Variants in PTPRG observed in about 807,000 individuals in gnomAD.
PTPRG encodes receptor-type tyrosine-protein phosphatase gamma.
A neutral mutation model predicts 165.3 loss-of-function variants in PTPRG; 102 were observed. That is an observed-to-expected ratio of 0.62 (90% CI 0.53 to 0.73). The LOEUF is 0.73. PTPRG is among the 30% of genes least tolerant of loss of function. The pLI is 0.00. For missense variants in PTPRG, 1,866 were observed against 1,861.4 expected (o/e 1.00, Z -0.05); for synonymous variants, 675 against 669.5 (o/e 1.01, Z -0.13).
chr3:61,738,344 A>ATATATGTG (rs2032840897), intron 1 of PTPRG, among the ~76,000 whole-genome samples: 2 of 142,106 alleles, frequency 1.4e-5, no homozygotes, highest in African/African-American at 2.6e-5. Context: ...ATATGTATAT[A>ATATATGTG]TATATATAAA....
intron 1 of PTPRG, among the ~76,000 whole-genome samples, chr3:61,645,498 G>C (rs1156457782): frequency 6.6e-6 from 1 of 152,222 alleles, no homozygotes; most frequent in Non-Finnish European, 1.5e-5. Context: ...TTTACTGCTA[G>C]TTTTGCCAAC....
chr3:61,695,022 T>G (rs975063290), intron 1 of PTPRG, among the ~76,000 whole-genome samples: 1 of 152,032 alleles, frequency 6.6e-6, no homozygotes, highest in African/African-American at 2.4e-5. Context: ...TTTTCTTTTT[T>G]TTTTTGAGAC....
intron 1 of PTPRG, among the ~76,000 whole-genome samples, chr3:61,717,503 G>A (rs538046422): frequency 2.0e-5 from 3 of 152,102 alleles, no homozygotes; most frequent in Non-Finnish European, 4.4e-5. Context: ...AGAATGATTT[G>A]TGGGCCAGGA....
rs116357782 is a variant in PTPRG, at chr3:62,213,215, G to A, written c.2156-5636G>A. Among the ~76,000 whole-genome samples the A allele has an allele frequency of 5.4e-3, 816 of 152,254 alleles. 6 individuals are homozygous for A. The highest frequency in any genetic ancestry group is 0.019 in the African/African-American group (785 of 41,538). On this transcript the variant is annotated intron_variant, in intron 12 of 29. Transcript: ENST00000474889. This position sits in a 1 kb window ranked among gnomAD's most constrained non-coding sequence, Gnocchi z 4.4. Reference sequence around the variant, plus strand: ...TGTTGTTTGGCTCCATTGAAGGAAAGAAAAGAATGAACATTTCTTGGGCAC... The same window carrying A: ...TGTTGTTTGGCTCCATTGAAGGAAAAAAAAGAATGAACATTTCTTGGGCAC...
chr3:61,948,449 A>G (rs2039818142), intron 2 of PTPRG, among the ~76,000 whole-genome samples: 1 of 152,212 alleles, frequency 6.6e-6, no homozygotes, highest in Non-Finnish European at 1.5e-5. Flanking sequence ...CTGGGAATTC[A>G]GTAGTGCACC....
chr3:61,745,381 G>A (rs754649422), intron 1 of PTPRG, among the ~76,000 whole-genome samples: 8 of 152,110 alleles, frequency 5.3e-5, no homozygotes, highest in South Asian at 2.1e-4. Flanking sequence ...CACACCATGC[G>A]CTGATTTCCA....
intron 1 of PTPRG, among the ~76,000 whole-genome samples, chr3:61,737,527 G>A (rs2032763905): frequency 6.6e-6 from 1 of 152,164 alleles, no homozygotes; most frequent in African/African-American, 2.4e-5. Flanking sequence ...CTGACCAGAA[G>A]CACAAAGCTT....
At chr3:61,639,258 T>C (rs755768641) in intron 1 of PTPRG, among the ~76,000 whole-genome samples, 2 of 152,196 alleles carry the variant, frequency 1.3e-5, no homozygotes, top group African/African-American at 4.8e-5. Flanking sequence ...TTCTGTTCCA[T>C]TGGTGTATGT....
At chr3:61,821,047 A>G (rs1042185502) in intron 2 of PTPRG, among the ~76,000 whole-genome samples, 8 of 152,148 alleles carry the variant, frequency 5.3e-5, no homozygotes, top group African/African-American at 1.4e-4. Context: ...TCTCCTCAGC[A>G]TAGATTTCTC....
At chr3:61,676,954 T>G (rs1703254041) in intron 1 of PTPRG, among the ~76,000 whole-genome samples, 1 of 152,092 alleles carries the variant, frequency 6.6e-6, no homozygotes, top group Admixed American at 6.6e-5. Flanking sequence ...TAAGAATCAC[T>G]ACCTCTTCTT....
At chr3:62,053,333 C>G (rs1238421052) in intron 4 of PTPRG, among the ~76,000 whole-genome samples, 1 of 141,054 alleles carries the variant, frequency 7.1e-6, no homozygotes, top group African/African-American at 2.6e-5. Flanking sequence ...GTGGTGCTAT[C>G]TCAGCTCACT....
At chr3:62,268,455 C>T (rs1701956704) in intron 19 of PTPRG, among the ~76,000 whole-genome samples, 1 of 151,998 alleles carries the variant, frequency 6.6e-6, no homozygotes, top group Non-Finnish European at 1.5e-5. Context: ...ATGTAACAAA[C>T]CTGCAAATCT....
intron 1 of PTPRG, among the ~76,000 whole-genome samples, chr3:61,627,562 A>G (rs1292021747): frequency 1.3e-5 from 2 of 152,322 alleles, no homozygotes; most frequent in African/African-American, 4.8e-5. Flanking sequence ...AAGTATAAAT[A>G]TGGTCACTAA....
chr3:61,728,840 C>T (rs2032368217), intron 1 of PTPRG, among the ~76,000 whole-genome samples: 1 of 142,788 alleles, frequency 7.0e-6, no homozygotes, highest in Admixed American at 7.1e-5. Flanking sequence ...AGTTCGAGCC[C>T]AGTCTGCGCA....
At chr3:61,995,080 CTTTCTTTTTT>C (rs1209584760) in intron 3 of PTPRG, among the ~76,000 whole-genome samples, 157 of 107,370 alleles carry the variant, frequency 1.5e-3, no homozygotes, top group African/African-American at 4.5e-3. Context: ...TCTTTTCTTT[CTTTCTTTTTT>C]TTTTTTTTTT....
chr3:62,038,684 C>T (rs928199266), intron 4 of PTPRG, among the ~76,000 whole-genome samples: 5 of 152,220 alleles, frequency 3.3e-5, no homozygotes, highest in Admixed American at 2.0e-4. Context: ...GTGTCAGACA[C>T]CTTGCCCGGC....
At chr3:61,706,696 G>C (rs1361284666) in intron 1 of PTPRG, among the ~76,000 whole-genome samples, 1 of 151,856 alleles carries the variant, frequency 6.6e-6, no homozygotes, top group African/African-American at 2.4e-5. Context: ...CACCATGTTG[G>C]CCAGGCTGGT....
intron 5 of PTPRG, among the ~76,000 whole-genome samples, chr3:62,125,357 A>G (rs543311228): frequency 1.1e-4 from 16 of 151,994 alleles, no homozygotes; most frequent in Non-Finnish European, 1.9e-4. Flanking sequence ...AGCCATCCCC[A>G]CTCAGTGTTT....
intron 2 of PTPRG, among the ~76,000 whole-genome samples, chr3:61,970,327 C>T (rs9837963): frequency 6.6e-6 from 1 of 152,060 alleles, no homozygotes; most frequent in South Asian, 2.1e-4. Context: ...AGGAATTTTC[C>T]TTTCTTCTTT....
Sources: allele counts gnomAD v4.1 joint callset (sites outside exome capture counted in the v4.1 genomes callset), GRCh38; gene constraint gnomAD v4.1.1; non-coding constraint Gnocchi (gnomAD v3.1); transcripts MANE v1.5; gene names NCBI Gene and HGNC (gene_info 2026-07-23, HGNC 2026-07-21).